The following SYNPR variants were observed in gnomAD, a reference collection of about 807,000 sequenced individuals.
SYNPR encodes synaptoporin.
Under a neutral mutation model 32.9 loss-of-function variants are expected in SYNPR, and 23 were observed. The observed-to-expected ratio is 0.70, with a 90% CI of 0.50 to 0.99. The LOEUF (loss-of-function observed/expected upper bound fraction) is 0.99, where lower values mean the gene tolerates loss of function less well. Ranked by LOEUF, SYNPR falls within the 50% of genes least tolerant of loss-of-function variation. The pLI, the probability that SYNPR is intolerant of heterozygous loss-of-function variation, is 0.00. For synonymous variants in SYNPR, 146 were observed against 135.9 expected, an observed-to-expected ratio of 1.07 and a Z score of -0.52; for missense variants, 318 against 349.3, an observed-to-expected ratio of 0.91 and a Z score of 0.71.
intron 4 of SYNPR, among the ~76,000 whole-genome samples, chr3:63,601,756 A>G (rs1362633177): frequency 6.6e-6 from 1 of 152,026 alleles, no homozygotes; most frequent in Non-Finnish European, 1.5e-5. Context: ...GGTTGATTCC[A>G]TGTCTTTGCT....
At chr3:63,400,934 TG>T (rs1301983534) in intron 2 of SYNPR, among the ~76,000 whole-genome samples, 1 of 151,976 alleles carries the variant, frequency 6.6e-6, no homozygotes, top group Non-Finnish European at 1.5e-5. Context: ...ATACATATGA[TG>T]GAAAATCCTC....
At chr3:63,403,865 C>T (rs867943031) in intron 2 of SYNPR, among the ~76,000 whole-genome samples, 53 of 152,304 alleles carry the variant, frequency 3.5e-4, no homozygotes, top group African/African-American at 9.9e-4. Flanking sequence ...AAAAACTGTG[C>T]ACTGAGAGGC....
intron 2 of SYNPR, among the ~76,000 whole-genome samples, chr3:63,265,973 A>T (rs985254791): frequency 1.3e-5 from 2 of 152,220 alleles, no homozygotes; most frequent in African/African-American, 2.4e-5. Flanking sequence ...CTTATTTGCT[A>T]TAGAGCAGGA....
At chr3:63,471,671 C>T (rs767314376) in intron 2 of SYNPR, among the ~76,000 whole-genome samples, 2 of 152,178 alleles carry the variant, frequency 1.3e-5, no homozygotes, top group Non-Finnish European at 2.9e-5. Context: ...CCTGACAGTA[C>T]ATATTCCTCG....
rs115881588 is a variant in SYNPR, at chr3:63,324,569, A to C, written c.84+45827A>C. Among the ~76,000 whole-genome samples the C allele has an allele frequency of 6.1e-3, 926 of 152,302 alleles. 13 individuals carry two copies. Among genetic ancestry groups the C allele is most frequent in the African/African-American group, 0.02 (830 of 41,592 alleles). On this transcript the variant is annotated intron_variant, in intron 2 of 5. Transcript: ENST00000478300. ...CCAGTCCATGTAAGACGACTTATCCAGTGAGATGTGTGGTCCAGGTGAGTG... is the reference window on the plus strand; with the variant it reads ...CCAGTCCATGTAAGACGACTTATCCCGTGAGATGTGTGGTCCAGGTGAGTG...
chr3:63,398,484 G>A (rs2088246230), intron 2 of SYNPR, among the ~76,000 whole-genome samples: 2 of 152,060 alleles, frequency 1.3e-5, no homozygotes, highest in Admixed American at 1.3e-4. Context: ...ACTTTGGGAG[G>A]CCAAGGCGGG....
chr3:63,224,098 G>T (rs763730169), upstream of SYNPR, among the ~76,000 whole-genome samples: 1 of 152,184 alleles, frequency 6.6e-6, no homozygotes, highest in Non-Finnish European at 1.5e-5. Context: ...TCTGTTGAAG[G>T]AGTATAACAG....
the SYNPR span, among the ~76,000 whole-genome samples, chr3:63,218,416 A>G: frequency 2.0e-5 from 3 of 152,194 alleles, no homozygotes; most frequent in East Asian, 5.8e-4. Flanking sequence ...CTCACATTGC[A>G]CCCAGTTCTC....
chr3:63,443,452 A>G (rs776420063), intron 2 of SYNPR: 7 of 1,607,644 alleles, frequency 4.4e-6, no homozygotes, highest in African/African-American at 2.7e-5. Context: ...GTAAATGTGT[A>G]TGGTGATATT....
intron 2 of SYNPR, among the ~76,000 whole-genome samples, chr3:63,391,064 C>A (rs1271842778): frequency 6.6e-6 from 1 of 152,174 alleles, no homozygotes; most frequent in Non-Finnish European, 1.5e-5. Context: ...TTCATCATGA[C>A]TCAATTCCTT....
intron 3 of SYNPR, among the ~76,000 whole-genome samples, chr3:63,524,314 G>A (rs779598659): frequency 1.3e-4 from 20 of 152,074 alleles, no homozygotes; most frequent in Non-Finnish European, 2.5e-4. Context: ...CTTCAGCTCC[G>A]ACAAGCTATA....
chr3:63,251,046 A>T, intron 1 of SYNPR, among the ~76,000 whole-genome samples: 1 of 152,168 alleles, frequency 6.6e-6, no homozygotes, highest in South Asian at 2.1e-4. Context: ...GTCTCTGGGG[A>T]GTGGGACAGA....
At chr3:63,358,772 A>G (rs1391412091) in intron 2 of SYNPR, among the ~76,000 whole-genome samples, 1 of 152,196 alleles carries the variant, frequency 6.6e-6, no homozygotes, top group South Asian at 2.1e-4. Context: ...TCAAAACAGA[A>G]CTCTAAGGTA....
In SYNPR at chr3:63,564,215, CAG is replaced by C. The variant is rs1205937588; in HGVS notation, c.408+7477_408+7478del. ...TCTTTCTTTTTTTTTTTTTTTGAGA[CAG>C]AGTCTTGCTCTGTCATCCAGCCTGG... On this transcript the variant is annotated intron_variant, in intron 4 of 5. Coordinates refer to ENST00000478300, the MANE Select transcript of SYNPR (RefSeq NM_001130003.2). Among the ~76,000 whole-genome samples, 74 of 133,070 alleles carry C rather than the reference CAG, an allele frequency of 5.6e-4. No homozygotes were observed. The East Asian group carries it at 0.016, about 29-fold the overall frequency. The allele number at this position is 133,070 out of a possible 152,430, so 87.3% of individuals were successfully genotyped here.
chr3:63,317,404 G>T (rs1198554372), intron 2 of SYNPR, among the ~76,000 whole-genome samples: 1 of 151,786 alleles, frequency 6.6e-6, no homozygotes, highest in Non-Finnish European at 1.5e-5. Flanking sequence ...GCTTTATAAA[G>T]TTGGGAGCTC....
chr3:63,485,430 A>T (rs1394259584), intron 3 of SYNPR, among the ~76,000 whole-genome samples: 2 of 152,302 alleles, frequency 1.3e-5, no homozygotes, highest in Admixed American at 6.5e-5. Context: ...AGCATTGAGT[A>T]CCTCAAAGAA....
intron 2 of SYNPR, among the ~76,000 whole-genome samples, chr3:63,296,891 T>G (rs2086795881): frequency 6.6e-6 from 1 of 152,222 alleles, no homozygotes; most frequent in Non-Finnish European, 1.5e-5. Flanking sequence ...AGAAATATTC[T>G]ATATCCTCAC....
intron 2 of SYNPR, among the ~76,000 whole-genome samples, chr3:63,414,579 CAG>C (rs1440695580): frequency 1.3e-5 from 2 of 152,266 alleles, no homozygotes; most frequent in Non-Finnish European, 2.9e-5. Flanking sequence ...CAAAAACTTT[CAG>C]AAACAACCTT....
chr3:63,602,116 A>G lies in SYNPR; in HGVS notation c.409-7009A>G, dbSNP rs537269877. On this transcript the variant is annotated intron_variant, in intron 4 of 5. Transcript: ENST00000478300. ...GATTAGTGATGTTGGGCACTTTTTC[A>G]TATGCTTCTTGGCCATATGTATGTC... Among the ~76,000 whole-genome samples the G allele has an allele frequency of 3.9e-5, 6 of 152,216 alleles. No individual in the cohort carries two copies. The South Asian group carries it at 1.2e-3, about 32-fold the overall frequency.
Sources: gnomAD v4.1 joint callset for allele counts (sites outside exome capture counted in the v4.1 genomes callset) on GRCh38, gnomAD v4.1.1 for gene constraint, MANE v1.5 for transcripts, NCBI Gene and HGNC (gene_info 2026-07-23, HGNC 2026-07-21) for gene names.